SPAG16: variants seen among roughly 807,000 people sequenced by gnomAD.
The protein encoded by SPAG16 is sperm-associated antigen 16 protein.
Under a neutral mutation model 80.4 loss-of-function variants are expected in SPAG16, and 86 were observed. The ratio of observed to expected loss-of-function variants is 1.07; its 90% CI spans 0.90 to 1.28. SPAG16 has a LOEUF of 1.28. Ranked by LOEUF, SPAG16 falls within the 50% of genes most tolerant of loss-of-function variation. SPAG16 has a pLI of 0.00. For missense variants in SPAG16, 870 were observed against 765.3 expected, an observed-to-expected ratio of 1.14 and a Z score of -1.61; for synonymous variants, 294 against 265.9, an observed-to-expected ratio of 1.11 and a Z score of -1.03.
chr2:213,804,405 C>A (rs751696762), intron 10 of SPAG16, among the ~76,000 whole-genome samples: 2 of 152,126 alleles, frequency 1.3e-5, no homozygotes, highest in African/African-American at 4.8e-5. Context: ...TTATAAGGGC[C>A]GGGCACTGTG....
At chr2:213,408,989 A>T (rs2068813012) in intron 9 of SPAG16, among the ~76,000 whole-genome samples, 1 of 152,186 alleles carries the variant, frequency 6.6e-6, no homozygotes, top group Non-Finnish European at 1.5e-5. Context: ...TCTAGTCCAC[A>T]GACATGAAGG....
At position 214,039,212 on chromosome 2, in the gene SPAG16, T is replaced by C. The variant is rs907475892; in HGVS notation, c.1527+25135T>C. ...CATCCTCTCCAGCACCTGTTGTTTC[T>C]TGACTTTTTAATGATCGCCATTCTA... On this transcript the variant is annotated intron_variant, in intron 13 of 15. Transcript: ENST00000331683. 5.7e-3 allele frequency among the ~76,000 whole-genome samples: 875 copies of C among 152,244 alleles called. 5 individuals are homozygous for C. The highest frequency in any genetic ancestry group is 0.02 in the African/African-American group (846 of 41,534).
At chr2:213,654,350 TG>T (rs2063133700) in intron 10 of SPAG16, among the ~76,000 whole-genome samples, 1 of 131,536 alleles carries the variant, frequency 7.6e-6, no homozygotes, top group South Asian at 2.4e-4. Flanking sequence ...GAACATCTAT[TG>T]TTTTTGTTTG....
chr2:214,338,353 A>T (rs1697442240), intron 15 of SPAG16, among the ~76,000 whole-genome samples: 1 of 152,072 alleles, frequency 6.6e-6, no homozygotes, highest in Non-Finnish European at 1.5e-5. Flanking sequence ...GTCTCTCCTA[A>T]AAATATAAAA....
intron 11 of SPAG16, among the ~76,000 whole-genome samples, chr2:213,918,097 G>A (rs2078050275): frequency 6.6e-6 from 1 of 152,122 alleles, no homozygotes; most frequent in Non-Finnish European, 1.5e-5. Flanking sequence ...GTTCAACCGA[G>A]CTTACATCCC....
chr2:214,020,228 C>T (rs945314507), intron 13 of SPAG16, among the ~76,000 whole-genome samples: 14 of 152,158 alleles, frequency 9.2e-5, no homozygotes, highest in African/African-American at 3.4e-4. Context: ...TGCCCTTGGC[C>T]ATTTCCATGC....
chr2:213,702,331 C>A (rs535668848), intron 10 of SPAG16, among the ~76,000 whole-genome samples: 1 of 152,234 alleles, frequency 6.6e-6, no homozygotes, highest in African/African-American at 2.4e-5. Flanking sequence ...GGTCTCTTTT[C>A]ATGCTGTGGA....
chr2:213,428,779 A>C (rs2070104220), intron 9 of SPAG16, among the ~76,000 whole-genome samples: 1 of 152,024 alleles, frequency 6.6e-6, no homozygotes, highest in East Asian at 1.9e-4. Flanking sequence ...TGGGGAGTGA[A>C]CCCTGCCAGG....
rs570676587 is a variant in SPAG16 at position 213,754,529 on chromosome 2, A to G, written c.1071-107956A>G. ...GATTATGTCTAGTCAGTGTAGCTTC[A>G]TAATTGATGTAAAACAATGCAGAAA... On this transcript the variant is annotated intron_variant, in intron 10 of 15. Transcript: ENST00000331683. Among the ~76,000 whole-genome samples the G allele has an allele frequency of 9.6e-4, 146 of 152,334 alleles. 1 individual carries two copies. Among genetic ancestry groups the G allele is most frequent in the Non-Finnish European group, 1.6e-3 (111 of 68,020 alleles).
chr2:213,941,437 GAC>G (rs1188590469), intron 12 of SPAG16, among the ~76,000 whole-genome samples: 1 of 151,678 alleles, frequency 6.6e-6, no homozygotes, highest in African/African-American at 2.4e-5. Flanking sequence ...TATATTAATT[GAC>G]ACACACACAA....
chr2:213,291,403 G>T (rs1223331100), intron 1 of SPAG16, among the ~76,000 whole-genome samples: 2 of 152,090 alleles, frequency 1.3e-5, no homozygotes, highest in African/African-American at 4.8e-5. Flanking sequence ...AGTTGCCTTT[G>T]GGAAATTTTA....
chr2:213,691,888 T>TGAA (rs1252995105), intron 10 of SPAG16, among the ~76,000 whole-genome samples: 1 of 152,218 alleles, frequency 6.6e-6, no homozygotes, highest in Admixed American at 6.5e-5. Flanking sequence ...TTTCAATAAA[T>TGAA]ATTTGTAAAA....
chr2:213,874,534 C>A (rs1008342633), intron 11 of SPAG16, among the ~76,000 whole-genome samples: 1 of 152,026 alleles, frequency 6.6e-6, no homozygotes, highest in East Asian at 1.9e-4. Flanking sequence ...TCTTCAGGGG[C>A]ATAATAATAT....
At chr2:213,383,728 A>G (rs1040785845) in intron 9 of SPAG16, among the ~76,000 whole-genome samples, 1 of 152,206 alleles carries the variant, frequency 6.6e-6, no homozygotes, top group African/African-American at 2.4e-5. Flanking sequence ...CCTTTTGCCT[A>G]TAATCATAAC....
At chr2:213,620,375 C>T (rs1359107866) in intron 10 of SPAG16, among the ~76,000 whole-genome samples, 1 of 140,276 alleles carries the variant, frequency 7.1e-6, no homozygotes, top group Non-Finnish European at 1.5e-5. Flanking sequence ...TCACTGCAAG[C>T]TCTGCCTCCC....
intron 15 of SPAG16, among the ~76,000 whole-genome samples, chr2:214,243,071 A>G (rs1274562747): frequency 6.6e-6 from 1 of 152,148 alleles, no homozygotes; most frequent in Non-Finnish European, 1.5e-5. Context: ...GCATCATCCA[A>G]ATTTATAGAA....
At chr2:213,798,653 A>C (rs2125630652) in intron 10 of SPAG16, among the ~76,000 whole-genome samples, 1 of 152,320 alleles carries the variant, frequency 6.6e-6, no homozygotes, top group South Asian at 2.1e-4. Context: ...CTAATGAGTC[A>C]GGGAGTGACC....
intron 9 of SPAG16, among the ~76,000 whole-genome samples, chr2:213,483,689 C>T (rs1335809790): frequency 6.6e-6 from 1 of 152,084 alleles, no homozygotes; most frequent in Non-Finnish European, 1.5e-5. Context: ...AATGTTGATG[C>T]CCTTGTCAGA....
chr2:213,549,099 T>C (rs1214744218), intron 10 of SPAG16, among the ~76,000 whole-genome samples: 4 of 152,076 alleles, frequency 2.6e-5, no homozygotes, highest in African/African-American at 9.6e-5. Context: ...CTGTGGTCTA[T>C]GGAACTCAAA....
Sources: gnomAD v4.1 joint callset for allele counts (sites outside exome capture counted in the v4.1 genomes callset) on GRCh38, gnomAD v4.1.1 for gene constraint, MANE v1.5 for transcripts, NCBI Gene and HGNC (gene_info 2026-07-23, HGNC 2026-07-21) for gene names.